The following LARS2 variants were observed in gnomAD, a reference collection of about 807,000 sequenced individuals.
LARS2 encodes the protein leucine--tRNA ligase, mitochondrial.
LARS2 carries 81 observed loss-of-function variants against 116.6 expected under a neutral mutation model. The ratio of observed to expected loss-of-function variants is 0.69; its 90% CI spans 0.58 to 0.84. The LOEUF (loss-of-function observed/expected upper bound fraction) is 0.84, where lower values mean the gene tolerates loss of function less well. LARS2 is among the 40% of genes least tolerant of loss of function. The pLI is 0.00. For synonymous variants in LARS2, 396 were observed against 407.2 expected (o/e 0.97, Z 0.33); for missense variants, 968 against 1,114.5 (o/e 0.87, Z 1.87).
chr3:45,509,389 A>G (rs1700249006), intron 15 of LARS2: 1 of 152,104 alleles, frequency 6.6e-6, no homozygotes, highest in Non-Finnish European at 1.5e-5. Context: ...GAACTTGGCA[A>G]TGTGATGTGA....
At chr3:45,517,214 C>T (rs1040040729) in intron 17 of LARS2, among the ~76,000 whole-genome samples, 2 of 152,198 alleles carry the variant, frequency 1.3e-5, no homozygotes, top group Non-Finnish European at 2.9e-5. Flanking sequence ...CTCCAGGAAT[C>T]TTTCTAAGAA....
At chr3:45,422,102 A>T (rs1004032632) in intron 6 of LARS2, 1 of 152,244 alleles carries the variant, frequency 6.6e-6, no homozygotes, top group African/African-American at 2.4e-5. Flanking sequence ...CAAAAAATCA[A>T]GAACAAATTT....
chr3:45,411,172 C>T (rs955938843), intron 4 of LARS2, among the ~76,000 whole-genome samples: 17 of 152,336 alleles, frequency 1.1e-4, no homozygotes, highest in African/African-American at 3.8e-4. Flanking sequence ...TGAGCATCTG[C>T]GCCACTTACA....
At chr3:45,392,866 A>G (rs1697979634) in intron 2 of LARS2, among the ~76,000 whole-genome samples, 3 of 152,200 alleles carry the variant, frequency 2.0e-5, no homozygotes, top group Non-Finnish European at 2.9e-5. Flanking sequence ...ATCAGCTTAG[A>G]GTGCCGGGTT....
intron 11 of LARS2, among the ~76,000 whole-genome samples, chr3:45,486,365 C>G (rs1699814346): frequency 6.6e-6 from 1 of 152,174 alleles, no homozygotes; most frequent in Non-Finnish European, 1.5e-5. Context: ...GGCAGCCTTA[C>G]TCATTCGTGA....
chr3:45,489,187 C>T (rs1174036022), intron 12 of LARS2, among the ~76,000 whole-genome samples: 2 of 152,116 alleles, frequency 1.3e-5, no homozygotes, highest in African/African-American at 2.4e-5. Flanking sequence ...GTGTAACTCA[C>T]TTATAGAAAT....
At chr3:45,401,382 A>C (rs1232490140) in intron 4 of LARS2, among the ~76,000 whole-genome samples, 3 of 151,904 alleles carry the variant, frequency 2.0e-5, no homozygotes, top group African/African-American at 7.2e-5. Context: ...ACACACCTGT[A>C]GTCCCAGCTA....
intron 15 of LARS2, among the ~76,000 whole-genome samples, chr3:45,500,795 A>G (rs1187059364): frequency 6.6e-6 from 1 of 152,164 alleles, no homozygotes; most frequent in African/African-American, 2.4e-5. Context: ...CCTAGCCTTC[A>G]GTGCTTCTCT....
chr3:45,503,326 A>G (rs770996253), intron 15 of LARS2, among the ~76,000 whole-genome samples: 36 of 152,030 alleles, frequency 2.4e-4, no homozygotes, highest in Non-Finnish European at 3.7e-4. Flanking sequence ...GTCTCTTCTA[A>G]CCACAGGTTT....
chr3:45,528,142 G>A (rs186006416), intron 20 of LARS2, among the ~76,000 whole-genome samples: 31 of 152,206 alleles, frequency 2.0e-4, no homozygotes, highest in African/African-American at 7.5e-4. Context: ...TTCAAGACCA[G>A]CTTGGGCAAC....
intron 8 of LARS2, among the ~76,000 whole-genome samples, chr3:45,461,157 TG>T (rs1699316571): frequency 6.6e-6 from 1 of 151,998 alleles, no homozygotes; most frequent in Admixed American, 6.6e-5. Flanking sequence ...AAGGAAAACA[TG>T]GTCATAATGA....
intron 8 of LARS2, among the ~76,000 whole-genome samples, chr3:45,463,964 G>A (rs1002789487): frequency 1.1e-4 from 16 of 152,166 alleles, no homozygotes; most frequent in African/African-American, 3.9e-4. Flanking sequence ...CAGATGTGCA[G>A]GAAACCTTAT....
intron 13 of LARS2, among the ~76,000 whole-genome samples, chr3:45,494,127 T>G (rs1171720600): frequency 6.6e-6 from 1 of 152,224 alleles, no homozygotes; most frequent in South Asian, 2.1e-4. Flanking sequence ...AAGCTTCTAC[T>G]CTTAGAGACC....
intron 10 of LARS2, among the ~76,000 whole-genome samples, chr3:45,481,759 C>T (rs1208112145): frequency 4.6e-5 from 7 of 151,996 alleles, no homozygotes; most frequent in African/African-American, 1.2e-4. Flanking sequence ...ATACTAGTCT[C>T]TTATCAGATA....
chr3:45,494,096 T>TAA (rs1699969304), intron 13 of LARS2, among the ~76,000 whole-genome samples: 1 of 152,158 alleles, frequency 6.6e-6, no homozygotes, highest in Admixed American at 6.5e-5. Flanking sequence ...GAAGCTGGGT[T>TAA]CCCCGAGGGC....
chr3:45,490,142 C>G (rs1048217765), intron 12 of LARS2, among the ~76,000 whole-genome samples: 4 of 152,186 alleles, frequency 2.6e-5, no homozygotes, highest in African/African-American at 9.7e-5. Flanking sequence ...GAGTCATGCT[C>G]TAAGATATGG....
At chr3:45,435,729 C>A (rs1215690395) in intron 6 of LARS2, among the ~76,000 whole-genome samples, 1 of 151,828 alleles carries the variant, frequency 6.6e-6, no homozygotes, top group Non-Finnish European at 1.5e-5. Context: ...TGGGGCTTAC[C>A]GGGCATTTAA....
intron 7 of LARS2, among the ~76,000 whole-genome samples, chr3:45,455,124 C>CTTT (rs370123180): frequency 7.7e-6 from 1 of 129,054 alleles, no homozygotes; most frequent in Admixed American, 7.7e-5. Flanking sequence ...TTGTGTTTTG[C>CTTT]TTTTTTTTTT....
chr3:45,432,694 A>G (rs1252454101), intron 6 of LARS2, among the ~76,000 whole-genome samples: 1 of 152,146 alleles, frequency 6.6e-6, no homozygotes, highest in Non-Finnish European at 1.5e-5. Flanking sequence ...AAGATGTCAA[A>G]TAAACAACTT....
Sources: gnomAD v4.1 joint callset for allele counts (sites outside exome capture counted in the v4.1 genomes callset) on GRCh38, gnomAD v4.1.1 for gene constraint, MANE v1.5 for transcripts, NCBI Gene and HGNC (gene_info 2026-07-23, HGNC 2026-07-21) for gene names.